POMGNT1: variants seen among roughly 807,000 people sequenced by gnomAD.
POMGNT1 encodes protein O-linked mannose N-acetylglucosaminyltransferase 1 (beta 1,2-), also known as protein O-linked-mannose beta-1,2-N-acetylglucosaminyltransferase 1.
A neutral mutation model predicts 95.6 loss-of-function variants in POMGNT1; 67 were observed. That is an observed-to-expected ratio of 0.70 (90% CI 0.58 to 0.86). The LOEUF (loss-of-function observed/expected upper bound fraction) is 0.86, where lower values mean the gene tolerates loss of function less well. POMGNT1 is among the 40% of genes least tolerant of loss of function. POMGNT1 has a pLI of 0.00. For synonymous variants in POMGNT1, 298 were observed against 317.9 expected, an observed-to-expected ratio of 0.94 and a Z score of 0.66; for missense variants, 719 against 855.2, an observed-to-expected ratio of 0.84 and a Z score of 1.99.
chr1:46,217,163 C>T (rs1475109426), intron 1 of POMGNT1, among the ~76,000 whole-genome samples: 1 of 151,986 alleles, frequency 6.6e-6, no homozygotes, highest in African/African-American at 2.4e-5. Context: ...AAAGGAATTA[C>T]CAAGATGATA....
At chr1:46,211,226 C>G (rs1156845379) in intron 1 of POMGNT1, among the ~76,000 whole-genome samples, 1 of 152,132 alleles carries the variant, frequency 6.6e-6, no homozygotes, top group African/African-American at 2.4e-5. Context: ...CTGCGGCATT[C>G]CTTCCTCCAG....
chr1:46,206,201 T>G (rs1335345952), intron 1 of POMGNT1, among the ~76,000 whole-genome samples: 1 of 152,220 alleles, frequency 6.6e-6, no homozygotes, highest in Non-Finnish European at 1.5e-5. Flanking sequence ...TGGCTCTGCT[T>G]CTGAAACGTT....
chr1:46,208,276 G>A (rs1015834405), intron 1 of POMGNT1, among the ~76,000 whole-genome samples: 6 of 152,130 alleles, frequency 3.9e-5, no homozygotes, highest in African/African-American at 1.4e-4. Context: ...TGCAGGCTGA[G>A]CCACAATGCC....
At position 46,196,663 on chromosome 1, in the gene POMGNT1, C is replaced by T; in HGVS notation, c.354+68G>A. 1 of 1,612,032 alleles carries T rather than the reference C, an allele frequency of 6.2e-7. No individual in the cohort carries two copies. The highest frequency in any genetic ancestry group is 1.1e-5 in the South Asian group (1 of 90,976). On this transcript the variant is annotated intron_variant, in intron 4 of 21. Coordinates refer to ENST00000371984, the MANE Select transcript of POMGNT1 (RefSeq NM_017739.4). This position sits in a 1 kb window ranked among gnomAD's most constrained non-coding sequence, Gnocchi z 4.4. ...TTGCAGTTCCCACTTAGGCAGTAGA[C>T]CCTGCTGCCAGTGGACCATGCCCTG... is the stretch of plus-strand genomic sequence containing the variant.
intron 14 of POMGNT1, 55 bp downstream of exon 14, chr1:46,192,841 CACTG>C: frequency 6.2e-7 from 1 of 1,610,518 alleles, no homozygotes; most frequent in Non-Finnish European, 8.5e-7. Flanking sequence ...TAGGACACCT[CACTG>C]ACTCTTTCCC....
chr1:46,208,179 G>T (rs994802816), intron 1 of POMGNT1, among the ~76,000 whole-genome samples: 4 of 151,974 alleles, frequency 2.6e-5, no homozygotes, highest in Non-Finnish European at 5.9e-5. Context: ...TTTTAATAGA[G>T]ACAGGGTCTT....
chr1:46,192,011 G>T (rs1275551042), intron 17 of POMGNT1, 87 bp downstream of exon 17: 2 of 1,494,782 alleles, frequency 1.3e-6, no homozygotes, highest in Admixed American at 1.9e-5. Context: ...TGGCTAGCAA[G>T]TAGCAGAGCT....
chr1:46,205,490 A>G (rs1658682677), intron 1 of POMGNT1, among the ~76,000 whole-genome samples: 1 of 152,230 alleles, frequency 6.6e-6, no homozygotes. Flanking sequence ...AAAACTGGTC[A>G]TCATTTCTCC....
At chr1:46,195,056 A>C (rs1658121380) in intron 6 of POMGNT1, 95 bp from the exon 7 acceptor site, 2 of 1,055,514 alleles carry the variant, frequency 1.9e-6, no homozygotes, top group African/African-American at 3.1e-5. Context: ...TTTACTTAAA[A>C]TAGCTCATTA....
chr1:46,219,654 C>G, intron 1 of POMGNT1: 1 of 1,519,836 alleles, frequency 6.6e-7, no homozygotes, highest in African/African-American at 1.4e-5. Context: ...GCTGGGGAAA[C>G]CCATGCCCCA....
chr1:46,198,491 G>A (rs1241208786), upstream of POMGNT1: 6 of 150,274 alleles, frequency 4.0e-5, no homozygotes, highest in Non-Finnish European at 7.4e-5. Flanking sequence ...CGCTGCCGCG[G>A]GGTGAGAGGG....
At chr1:46,190,849 C>G in intron 17 of POMGNT1, 65 bp from the exon 18 acceptor site, 1 of 1,431,904 alleles carries the variant, frequency 7.0e-7, no homozygotes, top group Non-Finnish European at 9.9e-7. Context: ...ACTTGCTGAC[C>G]AGCCAGACAT....
At position 46,194,314 on chromosome 1, in the gene POMGNT1, C is replaced by T. The variant is rs142485035; in HGVS notation, c.839G>A (p.Ser280Asn). Residue 280 changes from serine (S) to asparagine (N), a missense_variant, in exon 9 of 22, where the codon AGC (serine) becomes AAC (asparagine). Around this residue, in one of 5 missense-constraint regions of POMGNT1, gnomAD observed 466 missense variants for 517.4 expected, o/e 0.90. Coordinates refer to ENST00000371984, the MANE Select transcript of POMGNT1 (RefSeq NM_017739.4). The part of the protein sequence containing the change: ...SKVEGYGSVC[S>N]CKDPTPIEFS... ...CTCGATGGGTGTGGGGTCCTTGCAG[C>T]TGCATACACTTCCATAGCCCTCAAC... 2.1e-4 allele frequency: 342 copies of T among 1,614,224 alleles called. 1 individual carries two copies. The African/African-American group carries it at 3.8e-3, about 18-fold the overall frequency.
intron 1 of POMGNT1, among the ~76,000 whole-genome samples, chr1:46,214,896 G>A (rs1659017968): frequency 7.0e-6 from 1 of 142,560 alleles, no homozygotes; most frequent in Non-Finnish European, 1.5e-5. Context: ...AAGAGGAGTT[G>A]ATCAAGTTGA....
At chr1:46,200,319 T>A (rs1488120575), upstream of POMGNT1, among the ~76,000 whole-genome samples, 1 of 152,230 alleles carries the variant, frequency 6.6e-6, no homozygotes, top group Non-Finnish European at 1.5e-5. Flanking sequence ...TTGGCAGTTC[T>A]AACCTCTTTC....
intron 1 of POMGNT1, among the ~76,000 whole-genome samples, chr1:46,217,676 G>A (rs761591724): frequency 6.6e-6 from 1 of 152,080 alleles, no homozygotes; most frequent in Non-Finnish European, 1.5e-5. Flanking sequence ...GGCTAACCTG[G>A]TGATGCCCTG....
chr1:46,194,714 T>C (rs2148203570), intron 7 of POMGNT1, 63 bp from the exon 8 acceptor site: 1 of 1,614,106 alleles, frequency 6.2e-7, no homozygotes, highest in Admixed American at 1.7e-5. Context: ...CTTTTTCCCA[T>C]CTCCCTGCCT....
chr1:46,217,815 C>T (rs1334933685), intron 1 of POMGNT1, among the ~76,000 whole-genome samples: 1 of 151,996 alleles, frequency 6.6e-6, no homozygotes. Flanking sequence ...TAAGATGGCG[C>T]CATTGCACTC....
chr1:46,199,202 A>G (rs1464856802), upstream of POMGNT1, among the ~76,000 whole-genome samples: 3 of 152,216 alleles, frequency 2.0e-5, no homozygotes, highest in African/African-American at 7.2e-5. Flanking sequence ...TTGGCCTCCC[A>G]AAGTGCTGGG....
Sources: allele counts gnomAD v4.1 joint callset (sites outside exome capture counted in the v4.1 genomes callset), GRCh38; gene constraint gnomAD v4.1.1; regional missense constraint gnomAD v4.1.1; non-coding constraint Gnocchi (gnomAD v3.1); transcripts MANE v1.5; gene names NCBI Gene and HGNC (gene_info 2026-07-23, HGNC 2026-07-21).